The following RNPC3 variants were observed in gnomAD, a reference collection of about 807,000 sequenced individuals.
RNPC3 encodes RNA binding region (RNP1, RRM) containing 3.
Under a neutral mutation model 67.5 loss-of-function variants are expected in RNPC3, and 48 were observed. That is an observed-to-expected ratio of 0.71 (90% CI 0.56 to 0.90). The LOEUF is 0.90. RNPC3 is among the 40% of genes least tolerant of loss of function. The pLI is 0.00. For missense variants in RNPC3, 637 were observed against 626.1 expected, an observed-to-expected ratio of 1.02 and a Z score of -0.19; for synonymous variants, 239 against 210.3, an observed-to-expected ratio of 1.14 and a Z score of -1.18.
At chr1:103,536,038 G>A in intron 5 of RNPC3, 88 bp from the exon 6 acceptor site, 5 of 943,000 alleles carry the variant, frequency 5.3e-6, no homozygotes, top group Non-Finnish European at 8.1e-6. Flanking sequence ...TCAATAAATA[G>A]TGTTATAGCA....
At chr1:103,544,837 A>G in intron 9 of RNPC3, 104 bp from the exon 10 acceptor site, 2 of 610,040 alleles carry the variant, frequency 3.3e-6, no homozygotes, top group Non-Finnish European at 5.2e-6. Flanking sequence ...AAAGAATTTT[A>G]GTGCCAGAAG....
chr1:103,531,659 A>G (rs546716513), intron 2 of RNPC3, among the ~76,000 whole-genome samples: 3 of 151,908 alleles, frequency 2.0e-5, no homozygotes, highest in Non-Finnish European at 4.4e-5. Context: ...AGAATTGTCT[A>G]TTCATGTCCT....
chr1:103,529,522 G>C (rs967921936), intron 2 of RNPC3, among the ~76,000 whole-genome samples: 7 of 152,022 alleles, frequency 4.6e-5, no homozygotes, highest in Non-Finnish European at 8.8e-5. Flanking sequence ...TTCAAGAATA[G>C]AGTAAGTAGC....
At chr1:103,531,610 GT>G (rs904917089) in intron 2 of RNPC3, among the ~76,000 whole-genome samples, 2 of 152,060 alleles carry the variant, frequency 1.3e-5, no homozygotes, top group African/African-American at 4.8e-5. Context: ...ATGTTGAGCA[GT>G]TTTTCATGTT....
rs1651511630 is a variant in RNPC3 at position 103,555,225 on chromosome 1, T to A, written c.*204T>A. 6.6e-6 allele frequency: 1 copy of A among 152,024 alleles called. No individual in the cohort carries two copies. The highest frequency in any genetic ancestry group is 1.5e-5 in the Non-Finnish European group (1 of 67,970). 9.4% of individuals were successfully genotyped at this position (152,024 alleles called of 1,614,324 possible). A position where few individuals can be genotyped will look rare whatever the true frequency, so the allele number is the denominator to read the frequency against. ...TTTTCCTCAAATATAATAAATTGTT[T>A]CCTTTCCAATAAAATAGTGTTTGTA... On this transcript the variant is annotated 3_prime_UTR_variant, in exon 15 of 15. Coordinates refer to ENST00000423855, the MANE Select transcript of RNPC3 (RefSeq NM_017619.4).
rs1570615415 is a variant in RNPC3 at position 103,530,603 on chromosome 1, A to G, written c.240+2861A>G. Among the ~76,000 whole-genome samples, 6 of 152,310 alleles carry G rather than the reference A, an allele frequency of 3.9e-5. 3 individuals are homozygous for G. Among genetic ancestry groups the G allele is most frequent in the Admixed American group, 3.9e-4 (6 of 15,304 alleles). ...AATCTATATTATGTAGATTATAGTA[A>G]GGAACTTAGATTGCTGTCAGTAAAA... On this transcript the variant is annotated intron_variant, in intron 2 of 14. Coordinates refer to ENST00000423855, the MANE Select transcript of RNPC3 (RefSeq NM_017619.4).
In RNPC3 at chr1:103,533,614, A is replaced by T. The variant is rs533493975; in HGVS notation, c.241-125A>T. 2.8e-4 allele frequency: 179 copies of T among 635,502 alleles called. 2 individuals are homozygous for T. The South Asian group carries it at 3.0e-3, about 11-fold the overall frequency. The allele number at this position is 635,502 out of a possible 1,614,324, so 39.4% of individuals were successfully genotyped here. ...CTTGATAGCCTGAGATTAAAAATAA[A>T]TTAGGAAATAGTCAAGGAACTGTTT... On this transcript the variant is annotated intron_variant, in intron 2 of 14. Transcript: ENST00000423855.
chr1:103,526,172 G>A lies in RNPC3; in HGVS notation c.102G>A (p.Leu34=). The A allele has an allele frequency of 6.4e-7, 1 of 1,551,482 alleles. No homozygotes were observed. Among genetic ancestry groups the A allele is most frequent in the South Asian group, 1.2e-5 (1 of 84,034 alleles). The change falls in exon 1 of 15, where the codon CTG becomes CTA. Residue 34 remains leucine, a synonymous_variant. Transcript: ENST00000423855. ...ACCGAACCCTTCTGGTCAGGCACCT[G>A]CCGGCTGAGCTTACTGCTGAGGAGA... ...RGDRTLLVRH[L]PAELTAEEKE... is the part of the protein sequence containing the mutation.
intron 12 of RNPC3, among the ~76,000 whole-genome samples, chr1:103,550,424 G>A (rs141467136): frequency 0.02 from 2,977 of 151,842 alleles, 96 homozygotes; most frequent in African/African-American, 0.068. Context: ...ACGAGGTCAC[G>A]AGGTCAGGAG....
intron 14 of RNPC3, 53 bp from the exon 15 acceptor site, chr1:103,554,981 C>G (rs1651501007): frequency 6.6e-6 from 1 of 152,030 alleles, no homozygotes; most frequent in Non-Finnish European, 1.5e-5. Context: ...TATTTTTAAA[C>G]TAATGACCTG....
intron 9 of RNPC3, 137 bp from the exon 10 acceptor site, chr1:103,544,804 C>T (rs1651205033): frequency 8.0e-6 from 4 of 501,194 alleles, no homozygotes; most frequent in Middle Eastern, 5.5e-4. Flanking sequence ...GTGTATGCCT[C>T]TTTTAGTATA....
At chr1:103,531,774 G>A (rs781060977) in intron 2 of RNPC3, among the ~76,000 whole-genome samples, 1 of 151,940 alleles carries the variant, frequency 6.6e-6, no homozygotes, top group Non-Finnish European at 1.5e-5. Context: ...ATTTTCTCCC[G>A]CTATGGGTTG....
chr1:103,534,857 G>A lies in RNPC3; in HGVS notation c.443G>A (p.Gly148Glu). 6.6e-7 allele frequency: 1 copy of A among 1,519,404 alleles called. No individual in the cohort carries two copies. Among genetic ancestry groups the A allele is most frequent in the Non-Finnish European group, 8.8e-7 (1 of 1,136,838 alleles). 94.1% of individuals were successfully genotyped at this position (1,519,404 alleles called of 1,614,324 possible). The change falls in exon 4 of 15, where the codon GGG becomes GAG. Residue 148 changes from glycine to glutamate, a missense_variant and splice_region_variant. Around this residue, in one of 3 missense-constraint regions of RNPC3, gnomAD observed 536 missense variants for 500.3 expected, o/e 1.07. Transcript: ENST00000423855. ...TVENGIAPNH[G>E]LTFPLNSCLK... ...GAAAATGGAATTGCACCAAACCATG[G>A]GTTAGCATTTTTGTTTGCTTTTCTT...
intron 12 of RNPC3, among the ~76,000 whole-genome samples, chr1:103,549,768 C>T (rs1035372957): frequency 2.0e-5 from 3 of 152,150 alleles, no homozygotes; most frequent in African/African-American, 7.2e-5. Flanking sequence ...TTTGAAGAGT[C>T]ACTCACTGTC....
intron 3 of RNPC3, among the ~76,000 whole-genome samples, chr1:103,534,332 T>G (rs61716055): frequency 0.016 from 2,362 of 152,090 alleles, 62 homozygotes; most frequent in African/African-American, 0.055. Flanking sequence ...TAACCCAGTC[T>G]TACTGAATCA....
At chr1:103,547,451 G>C (rs1192611302) in intron 12 of RNPC3, among the ~76,000 whole-genome samples, 2 of 152,052 alleles carry the variant, frequency 1.3e-5, no homozygotes, top group Non-Finnish European at 2.9e-5. Flanking sequence ...GAATCACCTG[G>C]AAAGCCTGGC....
At chr1:103,554,772 A>T (rs939399811) in intron 14 of RNPC3, 1 of 152,650 alleles carries the variant, frequency 6.6e-6, no homozygotes, top group Non-Finnish European at 1.5e-5. Flanking sequence ...CTGTGAAAAC[A>T]ATTGAAAATT....
At chr1:103,554,803 G>A (rs1651493049) in intron 14 of RNPC3, 1 of 152,482 alleles carries the variant, frequency 6.6e-6, no homozygotes, top group East Asian at 1.9e-4. Context: ...CACCTTAAAA[G>A]TACAAAACCT....
chr1:103,535,437 T>G lies in RNPC3; in HGVS notation c.551T>G (p.Val184Gly). 1 of 1,522,856 alleles carries G rather than the reference T, an allele frequency of 6.6e-7. No individual in the cohort carries two copies. Among genetic ancestry groups the G allele is most frequent in the Non-Finnish European group, 8.8e-7 (1 of 1,134,444 alleles). 94.3% of individuals were successfully genotyped at this position (1,522,856 alleles called of 1,614,324 possible). Residue 184 changes from valine to glycine, a missense_variant, in exon 5 of 15, where the codon GTA becomes GGA. Around this residue, in one of 3 missense-constraint regions of RNPC3, gnomAD observed 536 missense variants for 500.3 expected, o/e 1.07. Coordinates refer to ENST00000423855, the MANE Select transcript of RNPC3 (RefSeq NM_017619.4). ...NALASVPKFYVQVLHLMNKMN... is the reference protein window; with the variant it reads ...NALASVPKFYGQVLHLMNKMN... ...TTGGCAAGCGTGCCTAAGTTCTATG[T>G]ACAGGTAAGTAGAATAAAACTTTTC...
Sources: allele counts gnomAD v4.1 joint callset (sites outside exome capture counted in the v4.1 genomes callset), GRCh38; gene constraint gnomAD v4.1.1; regional missense constraint gnomAD v4.1.1; transcripts MANE v1.5; gene names NCBI Gene and HGNC (gene_info 2026-07-23, HGNC 2026-07-21).